Variants in CDH13 observed in about 807,000 individuals in gnomAD.
The protein encoded by CDH13 is cadherin 13, also known as cadherin-13.
In CDH13, 24 loss-of-function variants were observed where a neutral mutation model predicts 63.8. The observed-to-expected ratio is 0.38, with a 90% CI of 0.27 to 0.53. The LOEUF is 0.53. Ranked by LOEUF, CDH13 falls within the 20% of genes least tolerant of loss-of-function variation. The probability of loss-of-function intolerance (pLI) is 0.85; values close to 1 mark genes in which losing one functional copy is unlikely to be tolerated. For missense variants in CDH13, 1,049 were observed against 903.1 expected, an observed-to-expected ratio of 1.16 and a Z score of -2.07; for synonymous variants, 503 against 355.3, an observed-to-expected ratio of 1.42 and a Z score of -4.67.
intron 7 of CDH13, among the ~76,000 whole-genome samples, chr16:83,502,461 T>G (rs1261159273): frequency 2.0e-5 from 3 of 152,204 alleles, no homozygotes; most frequent in African/African-American, 7.2e-5. Context: ...TTTAGCCCAC[T>G]GAGACCCACT....
At chr16:83,743,776 T>C (rs998685111) in intron 10 of CDH13, among the ~76,000 whole-genome samples, 2 of 134,054 alleles carry the variant, frequency 1.5e-5, no homozygotes, top group African/African-American at 2.7e-5. Context: ...TTCTTTGCTT[T>C]TTCCATCCCC....
At chr16:83,779,330 C>T (rs1057494335) in intron 11 of CDH13, among the ~76,000 whole-genome samples, 2 of 134,440 alleles carry the variant, frequency 1.5e-5, no homozygotes, top group Admixed American at 8.7e-5. Flanking sequence ...TCGCTTGAAC[C>T]CGGGAGGCGG....
intron 3 of CDH13, among the ~76,000 whole-genome samples, chr16:83,044,284 T>C (rs533558018): frequency 2.3e-4 from 35 of 152,326 alleles, no homozygotes; most frequent in Non-Finnish European, 4.1e-4. Flanking sequence ...GTCATTGCTA[T>C]TTTGCTAATA....
intron 2 of CDH13, among the ~76,000 whole-genome samples, chr16:82,969,856 A>T (rs1382911620): frequency 6.6e-6 from 1 of 152,186 alleles, no homozygotes; most frequent in Non-Finnish European, 1.5e-5. Flanking sequence ...TCTCCAGGAA[A>T]CGTCTTCCTA....
intron 2 of CDH13, among the ~76,000 whole-genome samples, chr16:83,027,204 C>T (rs1432373382): frequency 4.6e-5 from 7 of 150,894 alleles, no homozygotes; most frequent in African/African-American, 1.5e-4. Flanking sequence ...CTGATGGCCT[C>T]CCATGTGGAA....
At chr16:83,286,301 T>C (rs2089310700) in intron 5 of CDH13, among the ~76,000 whole-genome samples, 1 of 152,156 alleles carries the variant, frequency 6.6e-6, no homozygotes, top group Non-Finnish European at 1.5e-5. Context: ...TTGACTTTAC[T>C]TTGACAAATA....
intron 8 of CDH13, among the ~76,000 whole-genome samples, chr16:83,653,867 C>T (rs541035433): frequency 3.2e-4 from 49 of 152,238 alleles, no homozygotes; most frequent in African/African-American, 1.1e-3. Context: ...TTAAGAAAGG[C>T]GCTCAGCACG....
rs1323800729 is a variant in CDH13, at chr16:83,260,116, A to ACACG, written c.636+42622_636+42623insGCAC. Among the ~76,000 whole-genome samples, 5 of 148,856 alleles carry ACACG rather than the reference A, an allele frequency of 3.4e-5. No homozygotes were observed. The Middle Eastern group carries it at 0.01, about 310-fold the overall frequency. ...CCCCAATACACACACACACACACAC[A>ACACG]CACACACACACACACACACACACAC... On this transcript the variant is annotated intron_variant, in intron 5 of 13. Coordinates refer to ENST00000567109, the MANE Select transcript of CDH13 (RefSeq NM_001257.5).
chr16:83,754,784 T>G (rs1441105810), intron 11 of CDH13, among the ~76,000 whole-genome samples: 1 of 152,210 alleles, frequency 6.6e-6, no homozygotes, highest in East Asian at 1.9e-4. Flanking sequence ...TACATTCAAT[T>G]AAACCTCTTT....
intron 5 of CDH13, among the ~76,000 whole-genome samples, chr16:83,298,074 A>G (rs796728637): frequency 2.0e-5 from 3 of 150,274 alleles, no homozygotes; most frequent in African/African-American, 7.4e-5. Context: ...GAAAAAGAAA[A>G]AGAAAAAAAG....
chr16:83,659,040 G>C (rs1322339972), intron 8 of CDH13, among the ~76,000 whole-genome samples: 1 of 138,830 alleles, frequency 7.2e-6, no homozygotes, highest in East Asian at 2.2e-4. Flanking sequence ...CACCAGCAAG[G>C]TTCCATGTCC....
At chr16:82,934,296 C>A (rs1268986648) in intron 2 of CDH13, among the ~76,000 whole-genome samples, 1 of 152,212 alleles carries the variant, frequency 6.6e-6, no homozygotes, top group African/African-American at 2.4e-5. Flanking sequence ...GAGGCTTGCA[C>A]CCTCTGAAGC....
intron 6 of CDH13, among the ~76,000 whole-genome samples, chr16:83,419,863 A>C (rs1364829655): frequency 6.6e-6 from 1 of 152,054 alleles, no homozygotes; most frequent in African/African-American, 2.4e-5. Context: ...ACTGTATTAC[A>C]CATTCAGCTC....
chr16:82,642,588 A>T (rs546220361), intron 1 of CDH13, among the ~76,000 whole-genome samples: 1 of 152,164 alleles, frequency 6.6e-6, no homozygotes, highest in South Asian at 2.1e-4. Flanking sequence ...CTAATCATAC[A>T]ATCTCCACCA....
chr16:83,417,925 T>A (rs1458630850), intron 6 of CDH13, among the ~76,000 whole-genome samples: 1 of 151,612 alleles, frequency 6.6e-6, no homozygotes, highest in Non-Finnish European at 1.5e-5. Context: ...TGTTTTCCCC[T>A]CCCCAGCCTA....
At chr16:83,037,469 G>A (rs1039343564) in intron 3 of CDH13, among the ~76,000 whole-genome samples, 1 of 152,218 alleles carries the variant, frequency 6.6e-6, no homozygotes, top group African/African-American at 2.4e-5. Context: ...TGGGAGCAAT[G>A]GAGGGAAACC....
chr16:83,381,544 C>G (rs2091566951), intron 6 of CDH13, among the ~76,000 whole-genome samples: 1 of 151,964 alleles, frequency 6.6e-6, no homozygotes, highest in Non-Finnish European at 1.5e-5. Flanking sequence ...ATGATAAGCT[C>G]TTTACAGACT....
At chr16:83,633,809 G>C (rs1910995103) in intron 8 of CDH13, among the ~76,000 whole-genome samples, 1 of 152,156 alleles carries the variant, frequency 6.6e-6, no homozygotes, top group Non-Finnish European at 1.5e-5. Context: ...GTGCAAAGTA[G>C]ATTCCATCAT....
At chr16:83,011,370 A>G in intron 2 of CDH13, among the ~76,000 whole-genome samples, 1 of 152,172 alleles carries the variant, frequency 6.6e-6, no homozygotes, top group East Asian at 1.9e-4. Context: ...TTAAATATAA[A>G]CCAGACCTCA....
Sources: gnomAD v4.1 joint callset for allele counts (sites outside exome capture counted in the v4.1 genomes callset) on GRCh38, gnomAD v4.1.1 for gene constraint, MANE v1.5 for transcripts, NCBI Gene and HGNC (gene_info 2026-07-23, HGNC 2026-07-21) for gene names.